Variants in LRRC37A2 observed in about 807,000 individuals in gnomAD.
LRRC37A2 encodes leucine-rich repeat-containing protein 37A2.
LRRC37A2 carries 9 observed loss-of-function variants against 68.8 expected under a neutral mutation model. That is an observed-to-expected ratio of 0.13 (90% CI 0.08 to 0.23). LRRC37A2 has a LOEUF of 0.23. Ranked by LOEUF, LRRC37A2 falls within the 10% of genes least tolerant of loss-of-function variation. LRRC37A2 has a pLI of 1.00. For missense variants in LRRC37A2, 168 were observed against 950.4 expected, an observed-to-expected ratio of 0.18 and a Z score of 10.82; for synonymous variants, 63 against 367.6, an observed-to-expected ratio of 0.17 and a Z score of 9.48.
the LRRC37A2 span, among the ~76,000 whole-genome samples, chr17:46,992,912 T>C: frequency 7.2e-6 from 1 of 138,704 alleles, no homozygotes. Context: ...GGCCACTATA[T>C]ATTATTAACT....
chr17:46,932,253 G>A, the LRRC37A2 span: 1 of 1,606,570 alleles, frequency 6.2e-7, no homozygotes, highest in South Asian at 1.1e-5. Context: ...CGTGGGGGCT[G>A]GAGTTCAGAT....
chr17:46,568,940 CTCTT>C, the LRRC37A2 span, among the ~76,000 whole-genome samples: 1 of 117,150 alleles, frequency 8.5e-6, no homozygotes, highest in South Asian at 3.0e-4. Flanking sequence ...CTTTTTTTTT[CTCTT>C]TTTTTTTTTT....
At chr17:46,932,108 C>T in the LRRC37A2 span, 1 of 1,613,552 alleles carries the variant, frequency 6.2e-7, no homozygotes, top group Non-Finnish European at 8.5e-7. Flanking sequence ...CACCTGCAGA[C>T]TGCGCTCAGA....
chr17:46,773,819 G>A, the LRRC37A2 span: 5 of 1,613,440 alleles, frequency 3.1e-6, no homozygotes, highest in East Asian at 4.5e-5. Context: ...TGCGGCAGAA[G>A]CGCAGTTGCT....
At chr17:47,000,101 TAAAATAAAATAAAATA>T in the LRRC37A2 span, among the ~76,000 whole-genome samples, 2 of 131,908 alleles carry the variant, frequency 1.5e-5, no homozygotes, top group African/African-American at 5.3e-5. Context: ...TAAAATAAAA[TAAAATAAAATAAAATA>T]AAATAAAATA....
chr17:46,755,076 C>T, the LRRC37A2 span, among the ~76,000 whole-genome samples: 3 of 152,250 alleles, frequency 2.0e-5, no homozygotes, highest in African/African-American at 4.8e-5. Flanking sequence ...TGATGGCCAG[C>T]GGGCTTGGGT....
At chr17:46,458,522 C>A in the LRRC37A2 span, among the ~76,000 whole-genome samples, 4 of 57,544 alleles carry the variant, frequency 7.0e-5, 1 homozygote, top group African/African-American at 1.1e-4. Context: ...TATGGGAATT[C>A]TTCTTCTTCT....
the LRRC37A2 span, among the ~76,000 whole-genome samples, chr17:46,708,751 C>G: frequency 6.7e-6 from 1 of 148,394 alleles, no homozygotes; most frequent in Non-Finnish European, 1.5e-5. Context: ...ACCTCAGCCT[C>G]CCAGTGTGCT....
the LRRC37A2 span, among the ~76,000 whole-genome samples, chr17:47,016,104 A>C: frequency 2.0e-5 from 3 of 151,922 alleles, no homozygotes; most frequent in South Asian, 2.1e-4. Flanking sequence ...ACCACCACAC[A>C]TGGCTAATTT....
the LRRC37A2 span, among the ~76,000 whole-genome samples, chr17:46,765,533 G>C: frequency 6.6e-6 from 1 of 152,244 alleles, no homozygotes; most frequent in African/African-American, 2.4e-5. Flanking sequence ...GGCCTGCTCT[G>C]CGACTCCCTT....
At chr17:46,857,589 T>G in the LRRC37A2 span, among the ~76,000 whole-genome samples, 2 of 152,214 alleles carry the variant, frequency 1.3e-5, no homozygotes, top group Non-Finnish European at 2.9e-5. Context: ...TGTTTTCATT[T>G]CTCTTGGATA....
At chr17:46,687,486 C>T in the LRRC37A2 span, among the ~76,000 whole-genome samples, 1 of 145,748 alleles carries the variant, frequency 6.9e-6, no homozygotes, top group African/African-American at 2.5e-5. Flanking sequence ...CACTGTCAGT[C>T]TTCCACCCTA....
the LRRC37A2 span, among the ~76,000 whole-genome samples, chr17:46,840,213 A>T: frequency 6.6e-6 from 1 of 151,692 alleles, no homozygotes; most frequent in South Asian, 2.1e-4. Context: ...TAGCCTCCCG[A>T]GTAGCTGGTA....
chr17:47,015,454 C>T, the LRRC37A2 span, among the ~76,000 whole-genome samples: 3 of 151,996 alleles, frequency 2.0e-5, no homozygotes, highest in South Asian at 2.1e-4. Context: ...TAAGCCATAC[C>T]GTGTACCCTA....
At chr17:46,782,640 A>G in the LRRC37A2 span, among the ~76,000 whole-genome samples, 137 of 152,318 alleles carry the variant, frequency 9.0e-4, 1 homozygote, top group African/African-American at 3.1e-3. Flanking sequence ...TAGCCAGTTC[A>G]GGGGCATGTG....
At chr17:47,004,069 C>T in the LRRC37A2 span, among the ~76,000 whole-genome samples, 4 of 152,328 alleles carry the variant, frequency 2.6e-5, no homozygotes, top group African/African-American at 7.2e-5. Context: ...TTTATGGCTG[C>T]ATAGTATTCC....
At chr17:46,864,673 G>T in the LRRC37A2 span, among the ~76,000 whole-genome samples, 1 of 152,228 alleles carries the variant, frequency 6.6e-6, no homozygotes, top group East Asian at 1.9e-4. Context: ...TGTGGTGATG[G>T]CTGATTTGGC....
chr17:46,928,117 C>T, the LRRC37A2 span, among the ~76,000 whole-genome samples: 2,162 of 152,154 alleles, frequency 0.014, 50 homozygotes, highest in African/African-American at 0.05. Flanking sequence ...ACTTACTTTC[C>T]GGAAGCAACG....
the LRRC37A2 span, among the ~76,000 whole-genome samples, chr17:46,866,469 T>C: frequency 9.3e-3 from 1,404 of 151,572 alleles, 20 homozygotes; most frequent in African/African-American, 0.033. Flanking sequence ...GGAGTGTGAG[T>C]GTGTGTGTGT....
Sources: allele counts gnomAD v4.1 joint callset (sites outside exome capture counted in the v4.1 genomes callset), GRCh38; gene constraint gnomAD v4.1.1; transcripts MANE v1.5; gene names NCBI Gene and HGNC (gene_info 2026-07-23, HGNC 2026-07-21).